PLXDC2: variants seen among roughly 807,000 people sequenced by gnomAD.
The protein encoded by PLXDC2 is plexin domain containing 2, also known as plexin domain-containing protein 2.
Under a neutral mutation model 68.9 loss-of-function variants are expected in PLXDC2, and 40 were observed. That is an observed-to-expected ratio of 0.58 (90% CI 0.45 to 0.76). The LOEUF (loss-of-function observed/expected upper bound fraction) is 0.76. PLXDC2 is among the 30% of genes least tolerant of loss of function. The pLI, the probability that PLXDC2 is intolerant of heterozygous loss-of-function variation, is 0.00. For missense variants in PLXDC2, 644 were observed against 661.9 expected (o/e 0.97, Z 0.30); for synonymous variants, 243 against 234.2 (o/e 1.04, Z -0.34).
chr10:20,176,993 T>C lies in PLXDC2; in HGVS notation c.884-6T>C. The C allele has an allele frequency of 6.3e-7, 1 of 1,580,526 alleles. No homozygotes were observed. Among genetic ancestry groups the C allele is most frequent in the South Asian group, 1.2e-5 (1 of 86,884 alleles). On this transcript the variant is annotated splice_polypyrimidine_tract_variant and splice_region_variant and intron_variant, in intron 7 of 13. Transcript: ENST00000377252. Reference sequence around the variant, plus strand: ...AAAAATTGATTTTTTTTCCTTTTTTTTCTAGATGTTCGAAGAAGAACAATT... The same window carrying C: ...AAAAATTGATTTTTTTTCCTTTTTTCTCTAGATGTTCGAAGAAGAACAATT...
At position 19,956,155 on chromosome 10, in the gene PLXDC2, C is replaced by G. The variant is rs748581135; in HGVS notation, c.113-45620C>G. Reference sequence around the variant, plus strand: ...TCTATTAGGCTGTAAATTCTTGAAACTATAAATACTTTATTTGTTTCTGTA... The same window carrying G: ...TCTATTAGGCTGTAAATTCTTGAAAGTATAAATACTTTATTTGTTTCTGTA... On this transcript the variant is annotated intron_variant, in intron 1 of 13. Coordinates refer to ENST00000377252, the MANE Select transcript of PLXDC2 (RefSeq NM_032812.9). Among the ~76,000 whole-genome samples, 20 of 152,232 alleles carry G rather than the reference C, an allele frequency of 1.3e-4. No individual in the cohort carries two copies. In the South Asian group the frequency reaches 1.5e-3, roughly 11 times the overall value.
intron 2 of PLXDC2, among the ~76,000 whole-genome samples, chr10:20,036,260 G>C (rs769248183): frequency 6.6e-6 from 1 of 152,088 alleles, no homozygotes; most frequent in African/African-American, 2.4e-5. Flanking sequence ...CATAAGGGTG[G>C]GGCCCTAATC....
intron 1 of PLXDC2, among the ~76,000 whole-genome samples, chr10:19,982,855 C>T (rs1834575821): frequency 6.6e-6 from 1 of 152,118 alleles, no homozygotes; most frequent in Non-Finnish European, 1.5e-5. Context: ...GACATTGAAT[C>T]ATTATGCAAT....
chr10:20,092,187 G>A (rs570463577), intron 4 of PLXDC2, among the ~76,000 whole-genome samples: 10 of 152,256 alleles, frequency 6.6e-5, no homozygotes, highest in East Asian at 3.9e-4. Flanking sequence ...ATGAAATACC[G>A]CATAAGTAAT....
intron 4 of PLXDC2, among the ~76,000 whole-genome samples, chr10:20,092,220 T>C (rs1174064800): frequency 6.6e-6 from 1 of 152,274 alleles, no homozygotes; most frequent in East Asian, 1.9e-4. Flanking sequence ...CTTTTAGCTT[T>C]AAATTAAAGC....
At chr10:20,202,550 A>G (rs1290688214) in intron 9 of PLXDC2, among the ~76,000 whole-genome samples, 1 of 150,248 alleles carries the variant, frequency 6.7e-6, no homozygotes. Context: ...GTGTAAGTCA[A>G]TACACACCCA....
At chr10:19,950,507 G>A (rs1833973939) in intron 1 of PLXDC2, among the ~76,000 whole-genome samples, 1 of 152,050 alleles carries the variant, frequency 6.6e-6, no homozygotes. Context: ...AGAAATCACA[G>A]ATAACACAGA....
intron 9 of PLXDC2, among the ~76,000 whole-genome samples, chr10:20,188,917 C>T (rs1289148913): frequency 6.6e-6 from 1 of 151,518 alleles, no homozygotes; most frequent in Non-Finnish European, 1.5e-5. Context: ...CTAAAAATGC[C>T]ATACAACTAA....
chr10:20,129,891 C>A (rs1362968569), intron 4 of PLXDC2, among the ~76,000 whole-genome samples: 1 of 152,042 alleles, frequency 6.6e-6, no homozygotes, highest in Non-Finnish European at 1.5e-5. Flanking sequence ...ATTCCAGAAC[C>A]ATTCTGTTTT....
intron 4 of PLXDC2, among the ~76,000 whole-genome samples, chr10:20,126,438 A>C (rs1833783416): frequency 7.2e-6 from 1 of 139,308 alleles, no homozygotes; most frequent in African/African-American, 2.6e-5. Context: ...TATATACAAC[A>C]CACGTTATAT....
At chr10:20,065,402 T>C (rs1836187942) in intron 3 of PLXDC2, among the ~76,000 whole-genome samples, 1 of 152,070 alleles carries the variant, frequency 6.6e-6, no homozygotes, top group South Asian at 2.1e-4. Flanking sequence ...TGATTTCAAG[T>C]GGGGGAGTGA....
At chr10:19,995,424 C>T (rs534915903) in intron 1 of PLXDC2, among the ~76,000 whole-genome samples, 20 of 152,272 alleles carry the variant, frequency 1.3e-4, no homozygotes, top group Non-Finnish European at 2.4e-4. Context: ...CTATCCCAGA[C>T]GTTCATTAAA....
chr10:20,050,578 G>A (rs2358916), intron 3 of PLXDC2, among the ~76,000 whole-genome samples: 137,697 of 152,194 alleles, frequency 0.9, 62,570 homozygotes, highest in African/African-American at 0.97. Flanking sequence ...GAAGACATAC[G>A]TGCAGCCAAC....
At chr10:20,216,001 G>T (rs560266089) in intron 10 of PLXDC2, among the ~76,000 whole-genome samples, 20 of 152,042 alleles carry the variant, frequency 1.3e-4, no homozygotes, top group Non-Finnish European at 1.9e-4. Flanking sequence ...GATGTTTGTG[G>T]AGCCCCCATG....
At chr10:19,976,728 C>T (rs559955910) in intron 1 of PLXDC2, among the ~76,000 whole-genome samples, 2 of 152,102 alleles carry the variant, frequency 1.3e-5, no homozygotes, top group Admixed American at 1.3e-4. Context: ...TTTTCTCCCC[C>T]TCTATATTTT....
intron 4 of PLXDC2, among the ~76,000 whole-genome samples, chr10:20,087,954 G>A (rs1408292028): frequency 1.3e-5 from 2 of 152,196 alleles, no homozygotes; most frequent in African/African-American, 2.4e-5. Flanking sequence ...CCATCTTCAT[G>A]CCTTAACTTG....
intron 13 of PLXDC2, among the ~76,000 whole-genome samples, chr10:20,271,044 A>G (rs769918549): frequency 1.3e-5 from 2 of 151,878 alleles, no homozygotes; most frequent in Non-Finnish European, 2.9e-5. Flanking sequence ...GAGAATAAAG[A>G]GTTGGGTCTT....
chr10:20,088,932 C>T (rs1428202374), intron 4 of PLXDC2, among the ~76,000 whole-genome samples: 2 of 151,942 alleles, frequency 1.3e-5, no homozygotes, highest in South Asian at 2.1e-4. Context: ...TGCATTTGAC[C>T]TTGTCTGGAG....
chr10:19,921,127 T>G (rs1484484705), intron 1 of PLXDC2, among the ~76,000 whole-genome samples: 2 of 150,586 alleles, frequency 1.3e-5, no homozygotes, highest in African/African-American at 2.4e-5. Flanking sequence ...TTTTTTTTTT[T>G]TGTCGCCCAG....
Sources: gnomAD v4.1 joint callset for allele counts (sites outside exome capture counted in the v4.1 genomes callset) on GRCh38, gnomAD v4.1.1 for gene constraint, MANE v1.5 for transcripts, NCBI Gene and HGNC (gene_info 2026-07-23, HGNC 2026-07-21) for gene names.